PGM2L1: variants seen among roughly 807,000 people sequenced by gnomAD.
PGM2L1 encodes the protein phosphoglucomutase 2 like 1, also known as glucose 1,6-bisphosphate synthase.
In PGM2L1, 35 loss-of-function variants were observed where a neutral mutation model predicts 73.4. The ratio of observed to expected loss-of-function variants is 0.48; its 90% CI spans 0.36 to 0.63. The LOEUF is 0.63. Ranked by LOEUF, PGM2L1 falls within the 30% of genes least tolerant of loss-of-function variation. The pLI is 0.00. For missense variants in PGM2L1, 570 were observed against 742.0 expected (o/e 0.77, Z 2.69); for synonymous variants, 225 against 253.8 (o/e 0.89, Z 1.08).
At chr11:74,352,041 C>G (rs567146657) in intron 5 of PGM2L1, among the ~76,000 whole-genome samples, 1 of 151,512 alleles carries the variant, frequency 6.6e-6, no homozygotes, top group African/African-American at 2.4e-5. Context: ...CATAGGAGGA[C>G]TAATTTAATA....
chr11:74,347,469 C>T, intron 6 of PGM2L1, 132 bp from the exon 7 acceptor site: 1 of 684,332 alleles, frequency 1.5e-6, no homozygotes, highest in South Asian at 3.3e-5. Context: ...CTAAGATATT[C>T]AAACAAACAA....
chr11:74,351,361 T>C, intron 6 of PGM2L1, 22 bp downstream of exon 6: 1 of 1,584,650 alleles, frequency 6.3e-7, no homozygotes, highest in Non-Finnish European at 8.6e-7. Context: ...AGTAGTATTA[T>C]CTGATATTCT....
At chr11:74,368,168 T>C (rs551777500) in intron 5 of PGM2L1, among the ~76,000 whole-genome samples, 3 of 152,312 alleles carry the variant, frequency 2.0e-5, no homozygotes, top group South Asian at 4.1e-4. Flanking sequence ...GGTTCTGTTG[T>C]TGAAAACTCC....
chr11:74,398,016 G>A (rs1325176914), intron 1 of PGM2L1, 35 bp downstream of exon 1: 1 of 1,572,340 alleles, frequency 6.4e-7, no homozygotes. Flanking sequence ...GTGTGGGGGA[G>A]GCGACGGCGT....
At position 74,333,217 on chromosome 11, in the gene PGM2L1, G is replaced by C. The variant is rs1205953370; in HGVS notation, c.*3435C>G. 1 of 151,992 alleles carries C rather than the reference G, an allele frequency of 6.6e-6. No individual in the cohort carries two copies. Among genetic ancestry groups the C allele is most frequent in the East Asian group, 1.9e-4 (1 of 5,190 alleles). 9.4% of individuals were successfully genotyped at this position (151,992 alleles called of 1,614,324 possible). A position where few individuals can be genotyped will look rare whatever the true frequency, so the allele number is the denominator to read the frequency against. Reference sequence around the variant, plus strand: ...AATAAAAAAAAGATTTTGAATAGAAGATATTATGAAGATTTCTCAAGAAGT... The same window carrying C: ...AATAAAAAAAAGATTTTGAATAGAACATATTATGAAGATTTCTCAAGAAGT... On this transcript the variant is annotated 3_prime_UTR_variant, in exon 14 of 14. Coordinates refer to ENST00000298198, the MANE Select transcript of PGM2L1 (RefSeq NM_173582.6).
intron 10 of PGM2L1, 124 bp from the exon 11 acceptor site, chr11:74,343,138 T>G: frequency 7.4e-7 from 1 of 1,354,790 alleles, no homozygotes; most frequent in Non-Finnish European, 9.9e-7. Context: ...TCATCAATAC[T>G]GAGTGTATTT....
rs1353316245 is a variant in PGM2L1, at chr11:74,370,030, A to G, written c.471+872T>C. 4.6e-5 allele frequency among the ~76,000 whole-genome samples: 7 copies of G among 152,210 alleles called. No homozygotes were observed. The East Asian group carries it at 9.6e-4, about 21-fold the overall frequency. ...CCAAAGTGCTGGGATTACAGGCATG[A>G]GACATTGCCCCTGGCCTCCTGATAA... is the stretch of plus-strand genomic sequence containing the variant. On this transcript the variant is annotated intron_variant, in intron 4 of 13. Transcript: ENST00000298198.
Position 74,350,352 on chromosome 11 carries a change from T to C in PGM2L1, c.749+1031A>G, listed in dbSNP as rs186269775. ...TACAGAAGAGTTACAGAGATAATTA[T>C]GGAAATATGGAAATGGTTAAGGAAA... On this transcript the variant is annotated intron_variant, in intron 6 of 13. Coordinates refer to ENST00000298198, the MANE Select transcript of PGM2L1 (RefSeq NM_173582.6). 1.5e-3 allele frequency among the ~76,000 whole-genome samples: 221 copies of C among 152,296 alleles called. 2 individuals are homozygous for C. The highest frequency in any genetic ancestry group is 1.5e-3 in the Non-Finnish European group (103 of 68,030).
In PGM2L1 at chr11:74,342,571, G is replaced by A. The variant is rs754925820; in HGVS notation, c.1522C>T (p.Arg508Cys). 23 of 1,606,916 alleles carry A rather than the reference G, an allele frequency of 1.4e-5. No individual in the cohort carries two copies. The highest frequency in any genetic ancestry group is 1.6e-4 in the Middle Eastern group (1 of 6,066). The change falls in exon 12 of 14, where the codon CGT becomes TGT. Residue 508 changes from arginine to cysteine, a missense_variant. By Grantham distance (180) the Arg-to-Cys change is radical (BLOSUM62 -3). Transcript: ENST00000298198. ...PTIKSIFERL[R>C]NFDSPKEYPK... The stretch of plus-strand genomic sequence containing the variant: ...TATTCTTTTGGAGAATCAAAATTAC[G>A]AAGCCTTTCAAATATACTTTTGATG...
chr11:74,368,588 T>G lies in PGM2L1; in HGVS notation c.472-13A>C. 1 of 1,607,640 alleles carries G rather than the reference T, an allele frequency of 6.2e-7. No individual in the cohort carries two copies. The highest frequency in any genetic ancestry group is 1.1e-5 in the South Asian group (1 of 90,910). On this transcript the variant is annotated splice_polypyrimidine_tract_variant and intron_variant, in intron 4 of 13. Transcript: ENST00000298198. ...GAACTGCATATGGCTGAAAAATAAA[T>G]AACACCATAATTCCATTTTGCTTCC...
Position 74,398,325 on chromosome 11 carries a change from A to C in PGM2L1, c.-164T>G. ...AACAGCTCCTGCCGCGGCGTCAGGG[A>C]ACCGGGAGAGAGGGGGTTTATGGCC... On this transcript the variant is annotated 5_prime_UTR_variant, in exon 1 of 14. Transcript: ENST00000298198. 8.7e-7 allele frequency: 1 copy of C among 1,144,824 alleles called. No homozygotes were observed. The allele number at this position is 1,144,824 out of a possible 1,614,324, so 70.9% of individuals were successfully genotyped here. A position where few individuals can be genotyped will look rare whatever the true frequency, so the allele number is the denominator to read the frequency against.
At chr11:74,385,338 T>C (rs1163535050) in intron 1 of PGM2L1, among the ~76,000 whole-genome samples, 1 of 152,234 alleles carries the variant, frequency 6.6e-6, no homozygotes, top group Non-Finnish European at 1.5e-5. Flanking sequence ...CTCTATTATA[T>C]ATGGCACATT....
intron 1 of PGM2L1, among the ~76,000 whole-genome samples, chr11:74,394,876 G>A (rs1863151147): frequency 6.6e-6 from 1 of 152,094 alleles, no homozygotes. Context: ...CCTCATCTGA[G>A]TCATGAAGAA....
At chr11:74,362,690 T>C (rs1003419899) in intron 5 of PGM2L1, among the ~76,000 whole-genome samples, 1 of 152,032 alleles carries the variant, frequency 6.6e-6, no homozygotes, top group African/African-American at 2.4e-5. Flanking sequence ...AATAAAGGGA[T>C]GGAGGAAGAT....
At chr11:74,393,032 T>C (rs1183648342) in intron 1 of PGM2L1, among the ~76,000 whole-genome samples, 2 of 152,200 alleles carry the variant, frequency 1.3e-5, no homozygotes, top group Non-Finnish European at 2.9e-5. Flanking sequence ...TTTTATGAGC[T>C]TAAGTTTCTT....
At position 74,370,818 on chromosome 11, in the gene PGM2L1, C is replaced by A. The variant is rs1862739298; in HGVS notation, c.471+84G>T. On this transcript the variant is annotated intron_variant, in intron 4 of 13. Coordinates refer to ENST00000298198, the MANE Select transcript of PGM2L1 (RefSeq NM_173582.6). ...ATATTACTCAATACAGAACTACATG[C>A]ACAAAAAATATTTGAATCCTAGTTG... The A allele has an allele frequency of 1.3e-5, 16 of 1,251,836 alleles. 1 individual carries two copies. In the South Asian group the frequency reaches 2.1e-4, roughly 17 times the overall value. The allele number at this position is 1,251,836 out of a possible 1,614,324, so 77.5% of individuals were successfully genotyped here.
intron 13 of PGM2L1, 114 bp downstream of exon 13, chr11:74,338,354 T>A (rs1436352575): frequency 9.9e-7 from 1 of 1,012,242 alleles, no homozygotes; most frequent in Admixed American, 3.0e-5. Flanking sequence ...ATGCACAACT[T>A]TGAACATACT....
At position 74,346,812 on chromosome 11, in the gene PGM2L1, C is replaced by T; in HGVS notation, c.957G>A (p.Leu319=). The T allele has an allele frequency of 6.2e-7, 1 of 1,613,930 alleles. No individual in the cohort carries two copies. The highest frequency in any genetic ancestry group is 1.3e-5 in the African/African-American group (1 of 75,022). ...GESVLELSLR[L]AEKENARVVL... is the part of the protein sequence containing the mutation. ...CTACCCGGGCATTTTCTTTCTCTGC[C>T]AGTCTCAAGGAAAGTTCCTGAAACA... Residue 319 remains leucine, a synonymous_variant, in exon 8 of 14, where the codon CTG becomes CTA. Transcript: ENST00000298198.
chr11:74,368,400 G>T, intron 5 of PGM2L1, 92 bp downstream of exon 5: 2 of 1,104,018 alleles, frequency 1.8e-6, no homozygotes, highest in South Asian at 1.4e-5. Flanking sequence ...GTCTAGCTCT[G>T]CTCTCCAGTA....
Sources: gnomAD v4.1 joint callset for allele counts (sites outside exome capture counted in the v4.1 genomes callset) on GRCh38, gnomAD v4.1.1 for gene constraint, MANE v1.5 for transcripts, NCBI Gene and HGNC (gene_info 2026-07-23, HGNC 2026-07-21) for gene names.